The following CRPPA variants were observed in gnomAD, a reference collection of about 807,000 sequenced individuals.
The protein encoded by CRPPA is D-ribitol-5-phosphate cytidylyltransferase.
CRPPA carries 43 observed loss-of-function variants against 52.0 expected under a neutral mutation model. That is an observed-to-expected ratio of 0.83 (90% CI 0.65 to 1.07). The LOEUF (loss-of-function observed/expected upper bound fraction) is 1.07. CRPPA is among the 50% of genes least tolerant of loss of function. The pLI is 0.00. For synonymous variants in CRPPA, 250 were observed against 203.5 expected (o/e 1.23, Z -1.94); for missense variants, 629 against 551.7 (o/e 1.14, Z -1.40).
chr7:16,383,025 T>C (rs1157606187), intron 2 of CRPPA, among the ~76,000 whole-genome samples: 1 of 152,254 alleles, frequency 6.6e-6, no homozygotes, highest in Non-Finnish European at 1.5e-5. Flanking sequence ...CTTTGTTCCA[T>C]TGCTGGTGAG....
intron 3 of CRPPA, among the ~76,000 whole-genome samples, chr7:16,352,632 A>G (rs1490911338): frequency 6.6e-6 from 1 of 152,090 alleles, no homozygotes; most frequent in Non-Finnish European, 1.5e-5. Context: ...CAAAAAGGGA[A>G]CCCTTGTACT....
At chr7:16,409,043 A>T (rs1435211010) in intron 1 of CRPPA, among the ~76,000 whole-genome samples, 1 of 152,210 alleles carries the variant, frequency 6.6e-6, no homozygotes, top group African/African-American at 2.4e-5. Flanking sequence ...CTGGGATTAC[A>T]GGCACCTGCC....
Position 16,089,531 on chromosome 7 carries a change from A to G in CRPPA, c.*2164T>C, listed in dbSNP as rs1438116944. On this transcript the variant is annotated 3_prime_UTR_variant, in exon 10 of 10. Coordinates refer to ENST00000407010, the MANE Select transcript of CRPPA (RefSeq NM_001101426.4). ...CATAGATATGGGTATATATGTACGT[A>G]CATACATATATATGTATATACATGT... 1.9e-5 allele frequency: 5 copies of G among 257,336 alleles called. No homozygotes were observed. Among genetic ancestry groups the G allele is most frequent in the South Asian group, 1.8e-4 (5 of 27,202 alleles). The allele number at this position is 257,336 out of a possible 1,614,324, so 15.9% of individuals were successfully genotyped here.
chr7:16,340,305 A>G (rs1019888407), intron 3 of CRPPA, among the ~76,000 whole-genome samples: 7 of 152,096 alleles, frequency 4.6e-5, no homozygotes, highest in African/African-American at 1.7e-4. Flanking sequence ...GAAAATGAAA[A>G]GATATGCCAC....
intron 3 of CRPPA, among the ~76,000 whole-genome samples, chr7:16,367,430 TAAAGA>T (rs1447791790): frequency 1.3e-5 from 2 of 152,156 alleles, no homozygotes; most frequent in Admixed American, 1.3e-4. Flanking sequence ...TTGGTGAATA[TAAAGA>T]AAAGACACTT....
intron 9 of CRPPA, among the ~76,000 whole-genome samples, chr7:16,095,937 GGA>G (rs1781927191): frequency 6.6e-6 from 1 of 152,150 alleles, no homozygotes; most frequent in African/African-American, 2.4e-5. Flanking sequence ...GGAGAGCTGA[GGA>G]GAGATTTTTG....
intron 8 of CRPPA, among the ~76,000 whole-genome samples, chr7:16,253,232 G>T (rs1487770360): frequency 6.6e-6 from 1 of 152,064 alleles, no homozygotes. Context: ...GCTTTCTCTT[G>T]TGGGCATTTA....
chr7:16,400,551 G>A (rs944427826), intron 2 of CRPPA, among the ~76,000 whole-genome samples: 7 of 152,160 alleles, frequency 4.6e-5, no homozygotes, highest in African/African-American at 1.2e-4. Flanking sequence ...ACGTCGACAC[G>A]ATCGACACTT....
intron 6 of CRPPA, among the ~76,000 whole-genome samples, chr7:16,272,891 A>G (rs1784120201): frequency 6.6e-6 from 1 of 152,086 alleles, no homozygotes; most frequent in South Asian, 2.1e-4. Context: ...GGGGGAAATC[A>G]TAGGGTTATT....
intron 3 of CRPPA, among the ~76,000 whole-genome samples, chr7:16,312,759 T>C (rs898020878): frequency 6.6e-6 from 1 of 152,000 alleles, no homozygotes; most frequent in African/African-American, 2.4e-5. Flanking sequence ...AAGATCTCTA[T>C]TTCTCGTTTT....
chr7:16,404,219 A>G (rs1028816672), intron 2 of CRPPA, among the ~76,000 whole-genome samples: 8 of 152,232 alleles, frequency 5.3e-5, no homozygotes, highest in African/African-American at 1.9e-4. Context: ...AACAAGTTGT[A>G]AAGTTTTGTT....
intron 9 of CRPPA, among the ~76,000 whole-genome samples, chr7:16,156,456 C>T (rs1223561559): frequency 6.6e-6 from 1 of 152,148 alleles, no homozygotes; most frequent in Non-Finnish European, 1.5e-5. Context: ...GGTCAGGTGG[C>T]AGAAATTTTG....
intron 5 of CRPPA, among the ~76,000 whole-genome samples, chr7:16,286,156 C>T (rs1457906167): frequency 1.9e-4 from 26 of 135,312 alleles, no homozygotes; most frequent in African/African-American, 7.4e-4. Context: ...TTTCCTGGCT[C>T]TGATGGTTAA....
chr7:16,334,845 A>C (rs1231399771), intron 3 of CRPPA, among the ~76,000 whole-genome samples: 2 of 152,154 alleles, frequency 1.3e-5, no homozygotes, highest in Non-Finnish European at 2.9e-5. Context: ...TCTATTACAA[A>C]AGAACACCTG....
At chr7:16,120,964 C>A (rs921429673) in intron 9 of CRPPA, among the ~76,000 whole-genome samples, 4 of 151,690 alleles carry the variant, frequency 2.6e-5, no homozygotes, top group Non-Finnish European at 5.9e-5. Context: ...CAAAGACAAG[C>A]CAATATATAT....
intron 3 of CRPPA, among the ~76,000 whole-genome samples, chr7:16,351,242 C>A (rs937635395): frequency 6.6e-6 from 1 of 152,062 alleles, no homozygotes. Flanking sequence ...TTCTTTAAAC[C>A]TTACACAAAA....
chr7:16,313,879 T>C (rs1353212293), intron 3 of CRPPA, among the ~76,000 whole-genome samples: 2 of 152,066 alleles, frequency 1.3e-5, no homozygotes, highest in Non-Finnish European at 2.9e-5. Context: ...CTTGTGTTAT[T>C]TCTGTTCTTT....
chr7:16,315,473 G>A (rs760788620), intron 3 of CRPPA, among the ~76,000 whole-genome samples: 1 of 152,084 alleles, frequency 6.6e-6, no homozygotes, highest in Non-Finnish European at 1.5e-5. Context: ...CACTTTCTCA[G>A]TTCTCTGCCT....
intron 9 of CRPPA, among the ~76,000 whole-genome samples, chr7:16,098,932 T>G (rs1207137663): frequency 1.3e-5 from 2 of 152,212 alleles, no homozygotes; most frequent in African/African-American, 4.8e-5. Flanking sequence ...AACAAATGCC[T>G]CTCAAAAACT....
Sources: gnomAD v4.1 joint callset for allele counts (sites outside exome capture counted in the v4.1 genomes callset) on GRCh38, gnomAD v4.1.1 for gene constraint, MANE v1.5 for transcripts, NCBI Gene and HGNC (gene_info 2026-07-23, HGNC 2026-07-21) for gene names.